CHRM2: variants seen among roughly 807,000 people sequenced by gnomAD.
The protein encoded by CHRM2 is muscarinic acetylcholine receptor M2.
A neutral mutation model predicts 25.0 loss-of-function variants in CHRM2; 8 were observed. The ratio of observed to expected loss-of-function variants is 0.32; its 90% CI spans 0.19 to 0.58. The LOEUF is 0.58. CHRM2 is among the 20% of genes least tolerant of loss of function. CHRM2 has a pLI of 0.88. For synonymous variants in CHRM2, 202 were observed against 205.7 expected (o/e 0.98, Z 0.15); for missense variants, 440 against 567.1 (o/e 0.78, Z 2.28).
At chr7:136,969,443 G>A (rs891760334) in intron 2 of CHRM2, among the ~76,000 whole-genome samples, 2 of 151,966 alleles carry the variant, frequency 1.3e-5, no homozygotes, top group Non-Finnish European at 2.9e-5. Context: ...CCAAATTCTT[G>A]ACTGCTTATT....
intron 2 of CHRM2, among the ~76,000 whole-genome samples, chr7:136,929,713 A>G (rs1488053048): frequency 1.3e-5 from 2 of 152,176 alleles, no homozygotes; most frequent in Non-Finnish European, 2.9e-5. Context: ...AAGAACGTGA[A>G]CAATTGTGGA....
At chr7:136,947,235 C>T (rs1800123361) in intron 2 of CHRM2, among the ~76,000 whole-genome samples, 1 of 151,804 alleles carries the variant, frequency 6.6e-6, no homozygotes, top group East Asian at 1.9e-4. Flanking sequence ...TTTTATTTTA[C>T]ATGGGAAAGT....
intron 2 of CHRM2, among the ~76,000 whole-genome samples, chr7:136,883,234 G>A (rs978852623): frequency 1.3e-5 from 2 of 152,142 alleles, no homozygotes; most frequent in Admixed American, 6.5e-5. Context: ...AGCTTAGAAA[G>A]AGAAGGTTTT....
At chr7:136,946,511 A>G (rs1486737033) in intron 2 of CHRM2, among the ~76,000 whole-genome samples, 2 of 152,186 alleles carry the variant, frequency 1.3e-5, no homozygotes, top group African/African-American at 4.8e-5. Flanking sequence ...TTGTATCTCA[A>G]TAAACCGTAC....
intron 3 of CHRM2, among the ~76,000 whole-genome samples, chr7:137,004,708 T>C (rs975195891): frequency 6.6e-6 from 1 of 152,184 alleles, no homozygotes; most frequent in South Asian, 2.1e-4. Context: ...TCTGACCAAC[T>C]GGCTTTATTT....
chr7:136,946,079 C>A (rs900575710), intron 2 of CHRM2, among the ~76,000 whole-genome samples: 4 of 152,014 alleles, frequency 2.6e-5, no homozygotes, highest in African/African-American at 9.7e-5. Context: ...TCATGAAAAT[C>A]ATTCAATTCT....
At chr7:136,903,211 A>C (rs1038053011) in intron 2 of CHRM2, 1 of 534,286 alleles carries the variant, frequency 1.9e-6, no homozygotes. Flanking sequence ...GACACCATGG[A>C]TCTCCAGGTG....
chr7:136,954,361 C>G (rs1295121032), intron 2 of CHRM2, among the ~76,000 whole-genome samples: 1 of 152,142 alleles, frequency 6.6e-6, no homozygotes, highest in Admixed American at 6.5e-5. Flanking sequence ...ACCATTCTCT[C>G]CACATGTTAT....
intron 3 of CHRM2, among the ~76,000 whole-genome samples, chr7:137,014,243 T>A (rs1168618231): frequency 6.6e-6 from 1 of 152,016 alleles, no homozygotes; most frequent in Non-Finnish European, 1.5e-5. Context: ...AATTCTCATC[T>A]AGGGAGAGTA....
intron 2 of CHRM2, among the ~76,000 whole-genome samples, chr7:136,972,737 A>T (rs916615901): frequency 1.0e-4 from 15 of 144,734 alleles, no homozygotes; most frequent in Non-Finnish European, 1.6e-4. Context: ...AATGATGGTG[A>T]CGGTGTTAGG....
chr7:136,946,530 A>G (rs1800084958), intron 2 of CHRM2, among the ~76,000 whole-genome samples: 1 of 152,106 alleles, frequency 6.6e-6, no homozygotes, highest in Admixed American at 6.6e-5. Context: ...ACTCCTTTTC[A>G]TAGATTTCTT....
chr7:136,968,642 G>C (rs1433895901), intron 2 of CHRM2, among the ~76,000 whole-genome samples: 12 of 150,062 alleles, frequency 8.0e-5, no homozygotes, highest in Non-Finnish European at 1.8e-4. Context: ...TCTATTGGCA[G>C]ATGAATGGAT....
At chr7:136,983,128 C>T (rs936574559) in intron 2 of CHRM2, among the ~76,000 whole-genome samples, 1 of 152,064 alleles carries the variant, frequency 6.6e-6, no homozygotes, top group Admixed American at 6.6e-5. Context: ...TTCTTGGAGG[C>T]TTTATTCATT....
chr7:136,879,400 T>C (rs1268084268), intron 2 of CHRM2, among the ~76,000 whole-genome samples: 3 of 151,998 alleles, frequency 2.0e-5, no homozygotes. Context: ...CTAGATGTCC[T>C]AAGGGATAAA....
At chr7:136,974,530 T>C (rs1318247982) in intron 2 of CHRM2, among the ~76,000 whole-genome samples, 1 of 152,102 alleles carries the variant, frequency 6.6e-6, no homozygotes, top group Admixed American at 6.5e-5. Flanking sequence ...AGTGAGGCTT[T>C]CCAAGTAGAA....
intron 2 of CHRM2, among the ~76,000 whole-genome samples, chr7:136,881,638 A>G (rs530715254): frequency 6.6e-6 from 1 of 152,128 alleles, no homozygotes; most frequent in South Asian, 2.1e-4. Context: ...CTTAGAAAAG[A>G]GCATTGTTTC....
chr7:136,930,753 C>CA (rs1303923308), intron 2 of CHRM2, among the ~76,000 whole-genome samples: 3 of 151,620 alleles, frequency 2.0e-5, no homozygotes, highest in Non-Finnish European at 2.9e-5. Context: ...AAAAATCAGC[C>CA]AGTTGTGGTG....
intron 2 of CHRM2, among the ~76,000 whole-genome samples, chr7:136,941,657 A>T (rs1196304240): frequency 6.6e-6 from 1 of 152,188 alleles, no homozygotes; most frequent in Non-Finnish European, 1.5e-5. Flanking sequence ...TCTGAAACAC[A>T]TATATGTAAC....
intron 2 of CHRM2, chr7:136,902,759 C>A: frequency 4.8e-6 from 1 of 209,212 alleles, no homozygotes; most frequent in South Asian, 6.8e-5. Context: ...TAATAGATAA[C>A]AACCTTAATA....
Sources: allele counts gnomAD v4.1 joint callset (sites outside exome capture counted in the v4.1 genomes callset), GRCh38; gene constraint gnomAD v4.1.1; transcripts MANE v1.5; gene names NCBI Gene and HGNC (gene_info 2026-07-23, HGNC 2026-07-21).